Variants in EDIL3 observed in about 807,000 individuals in gnomAD.
EDIL3 encodes EGF like and discoidin domains 3.
In EDIL3, 37 loss-of-function variants were observed where a neutral mutation model predicts 67.4. The observed-to-expected ratio is 0.55, with a 90% CI of 0.42 to 0.72. The LOEUF (loss-of-function observed/expected upper bound fraction) is 0.72, where lower values mean the gene tolerates loss of function less well. Among genes scored for constraint, EDIL3 ranks in the 30% least tolerant of loss-of-function variants. The probability of loss-of-function intolerance (pLI) is 0.00; values close to 1 mark genes in which losing one functional copy is unlikely to be tolerated. For missense variants in EDIL3, 527 were observed against 586.3 expected, an observed-to-expected ratio of 0.90 and a Z score of 1.04; for synonymous variants, 195 against 196.3, an observed-to-expected ratio of 0.99 and a Z score of 0.05.
intron 1 of EDIL3, among the ~76,000 whole-genome samples, chr5:84,307,379 G>C (rs1746293581): frequency 1.3e-5 from 2 of 152,038 alleles, no homozygotes; most frequent in Admixed American, 1.3e-4. Context: ...AAATAAAGAT[G>C]CTCCACAAAA....
chr5:84,260,239 G>C (rs1224619264), intron 1 of EDIL3, among the ~76,000 whole-genome samples: 1 of 152,176 alleles, frequency 6.6e-6, no homozygotes, highest in Non-Finnish European at 1.5e-5. Flanking sequence ...ATTTATGACA[G>C]ACAGTGAAGC....
intron 3 of EDIL3, among the ~76,000 whole-genome samples, chr5:84,183,761 T>C (rs1749054739): frequency 6.6e-6 from 1 of 152,104 alleles, no homozygotes; most frequent in African/African-American, 2.4e-5. Flanking sequence ...GAGGGAGGAA[T>C]AGAAAATGAC....
chr5:83,981,015 T>C (rs1302205858), intron 9 of EDIL3, among the ~76,000 whole-genome samples: 1 of 152,084 alleles, frequency 6.6e-6, no homozygotes, highest in African/African-American at 2.4e-5. Context: ...TGAAAAGATA[T>C]CTCATGGTTA....
chr5:83,950,890 A>G (rs1486648408), intron 10 of EDIL3, among the ~76,000 whole-genome samples: 1 of 151,714 alleles, frequency 6.6e-6, no homozygotes, highest in Non-Finnish European at 1.5e-5. Context: ...CTGCAGTCAG[A>G]TTTTCTTAAA....
Position 84,315,150 on chromosome 5 carries a change from C to T in EDIL3, c.68-60938G>A, listed in dbSNP as rs76473236. Among the ~76,000 whole-genome samples the T allele has an allele frequency of 9.3e-3, 1,411 of 152,218 alleles. 25 individuals are homozygous for T. The highest frequency in any genetic ancestry group is 0.033 in the African/African-American group (1,353 of 41,534). On this transcript the variant is annotated intron_variant, in intron 1 of 10. Transcript: ENST00000296591. ...TACCCATGATCCAATTGAAAATACT[C>T]ATTATGTTTCTCAATGATTGAGATA...
At chr5:84,201,273 T>C (rs112079569) in intron 3 of EDIL3, among the ~76,000 whole-genome samples, 1,582 of 152,180 alleles carry the variant, frequency 0.01, 32 homozygotes, top group African/African-American at 0.036. Context: ...TGCTACCAAA[T>C]AGATGCTAGG....
At position 84,312,619 on chromosome 5, in the gene EDIL3, C is replaced by T. The variant is rs554072634; in HGVS notation, c.68-58407G>A. Among the ~76,000 whole-genome samples, 1,420 of 148,828 alleles carry T rather than the reference C, an allele frequency of 9.5e-3. 20 individuals are homozygous for T. Among genetic ancestry groups the T allele is most frequent in the African/African-American group, 0.034 (1,341 of 40,004 alleles). On this transcript the variant is annotated intron_variant, in intron 1 of 10. Transcript: ENST00000296591. ...TGGCCGGGCGGGGGGCTGACCCCCC[C>T]ACCTCCTTCCCGGACGGGGCGGCTG... is the stretch of plus-strand genomic sequence containing the variant.
chr5:84,170,020 A>G (rs944962547), intron 4 of EDIL3, among the ~76,000 whole-genome samples: 1 of 152,206 alleles, frequency 6.6e-6, no homozygotes, highest in African/African-American at 2.4e-5. Context: ...GTTCAGTGCT[A>G]TATTCCACTA....
At chr5:84,256,018 C>A (rs540347147) in intron 1 of EDIL3, among the ~76,000 whole-genome samples, 3 of 152,090 alleles carry the variant, frequency 2.0e-5, no homozygotes, top group Non-Finnish European at 4.4e-5. Flanking sequence ...ATGGTCAGAT[C>A]TAAATTAAGA....
At chr5:83,981,791 A>AT in intron 9 of EDIL3, among the ~76,000 whole-genome samples, 1 of 151,984 alleles carries the variant, frequency 6.6e-6, no homozygotes, top group East Asian at 1.9e-4. Flanking sequence ...TTTTATTATC[A>AT]TTTTTTATTA....
chr5:84,093,569 A>G (rs983698230), intron 6 of EDIL3, among the ~76,000 whole-genome samples: 1 of 151,500 alleles, frequency 6.6e-6, no homozygotes, highest in African/African-American at 2.4e-5. Flanking sequence ...AATAAGCTGG[A>G]TTAATTTGAA....
intron 9 of EDIL3, among the ~76,000 whole-genome samples, chr5:83,979,339 C>T (rs1196917606): frequency 2.6e-5 from 4 of 152,042 alleles, no homozygotes; most frequent in Non-Finnish European, 4.4e-5. Flanking sequence ...TTAACAACTT[C>T]GTAGGACAAA....
intron 4 of EDIL3, among the ~76,000 whole-genome samples, chr5:84,164,116 A>T (rs1382230394): frequency 3.9e-5 from 6 of 152,080 alleles, no homozygotes; most frequent in Non-Finnish European, 7.4e-5. Flanking sequence ...TATTTTTTTT[A>T]ATATATGCCC....
chr5:84,169,628 T>A (rs1748776960), intron 4 of EDIL3, among the ~76,000 whole-genome samples: 1 of 150,316 alleles, frequency 6.7e-6, no homozygotes, highest in Admixed American at 6.7e-5. Context: ...ATTAAATGGG[T>A]CATCTAGTAT....
intron 3 of EDIL3, among the ~76,000 whole-genome samples, chr5:84,196,428 ATT>A (rs1743704303): frequency 6.6e-6 from 1 of 151,952 alleles, no homozygotes; most frequent in Admixed American, 6.6e-5. Context: ...CAATATTTCT[ATT>A]TCTCTCTTAT....
chr5:84,160,844 T>C (rs1300785997), intron 4 of EDIL3, among the ~76,000 whole-genome samples: 1 of 148,746 alleles, frequency 6.7e-6, no homozygotes, highest in African/African-American at 2.5e-5. Flanking sequence ...TTCCTTTTCC[T>C]TTCCTTTCTT....
In EDIL3 at chr5:84,263,630, T is replaced by G. The variant is rs1580041539; in HGVS notation, c.68-9418A>C. Among the ~76,000 whole-genome samples the G allele has an allele frequency of 3.3e-5, 5 of 152,286 alleles. No homozygotes were observed. The South Asian group carries it at 8.3e-4, about 25-fold the overall frequency. ...AAATGGTAATGGTAAAGGTTAAATG[T>G]TAGAATGCAGGTTACAAGTTTAGTG... On this transcript the variant is annotated intron_variant, in intron 1 of 10. Coordinates refer to ENST00000296591, the MANE Select transcript of EDIL3 (RefSeq NM_005711.5).
In EDIL3 at chr5:84,066,528, T is replaced by G. The variant is rs1746644663; in HGVS notation, c.730A>C (p.Lys244Gln). 6.2e-7 allele frequency: 1 copy of G among 1,613,512 alleles called. No individual in the cohort carries two copies. The highest frequency in any genetic ancestry group is 1.3e-5 in the African/African-American group (1 of 74,912). The change falls in exon 7 of 11, where the codon AAA (lysine) becomes CAA (glutamine). Residue 244 changes from lysine to glutamine, a missense_variant. Lys to Gln is a moderately conservative substitution (Grantham distance 53). Transcript: ENST00000296591. ...TTACTGTAGGCAATTTTGTAGGATT[T>G]TATATACTCTGGGCTTCCAATCCTC... is the stretch of plus-strand genomic sequence containing the variant. ...AKRIGSPEYI[K>Q]SYKIAYSNDG...
chr5:84,027,669 GAT>G (rs5869205), intron 9 of EDIL3, among the ~76,000 whole-genome samples: 129,895 of 151,602 alleles, frequency 0.86, 56,318 homozygotes, highest in Non-Finnish European at 0.92. Flanking sequence ...TGATCAGTGA[GAT>G]AATTGATCTG....
Sources: gnomAD v4.1 joint callset for allele counts (sites outside exome capture counted in the v4.1 genomes callset) on GRCh38, gnomAD v4.1.1 for gene constraint, MANE v1.5 for transcripts, NCBI Gene and HGNC (gene_info 2026-07-23, HGNC 2026-07-21) for gene names.